The following RCAN2 variants were observed in gnomAD, a reference collection of about 807,000 sequenced individuals.
The protein encoded by RCAN2 is regulator of calcineurin 2.
Under a neutral mutation model 23.6 loss-of-function variants are expected in RCAN2, and 9 were observed. The ratio of observed to expected loss-of-function variants is 0.38; its 90% CI spans 0.23 to 0.67. The LOEUF (loss-of-function observed/expected upper bound fraction) is 0.67. Ranked by LOEUF, RCAN2 falls within the 30% of genes least tolerant of loss-of-function variation. The pLI, the probability that RCAN2 is intolerant of heterozygous loss-of-function variation, is 0.51. For synonymous variants in RCAN2, 109 were observed against 115.7 expected (o/e 0.94, Z 0.37); for missense variants, 273 against 302.3 (o/e 0.90, Z 0.72).
intron 1 of RCAN2, among the ~76,000 whole-genome samples, chr6:46,469,568 C>T (rs1768496277): frequency 6.6e-6 from 1 of 152,124 alleles, no homozygotes; most frequent in African/African-American, 2.4e-5. Flanking sequence ...AGCTGATAAT[C>T]CACCTTTTGA....
At chr6:46,370,990 T>C (rs1035850355) in intron 2 of RCAN2, among the ~76,000 whole-genome samples, 3 of 152,208 alleles carry the variant, frequency 2.0e-5, no homozygotes, top group African/African-American at 2.4e-5. Context: ...ACCTGAGATA[T>C]GTGGATCTAT....
intron 1 of RCAN2, among the ~76,000 whole-genome samples, chr6:46,473,822 T>C (rs939982809): frequency 2.6e-5 from 4 of 152,224 alleles, no homozygotes; most frequent in Non-Finnish European, 5.9e-5. Flanking sequence ...GCACTCTTCA[T>C]ATAAACTCTC....
intron 2 of RCAN2, among the ~76,000 whole-genome samples, chr6:46,370,687 C>T (rs545174645): frequency 6.6e-6 from 1 of 152,354 alleles, no homozygotes; most frequent in South Asian, 2.1e-4. Flanking sequence ...CTCTGGTTTG[C>T]TGTCTTAACC....
chr6:46,302,853 T>C (rs1287503090), intron 2 of RCAN2, among the ~76,000 whole-genome samples: 1 of 152,068 alleles, frequency 6.6e-6, no homozygotes, highest in East Asian at 1.9e-4. Flanking sequence ...GTGACCTCCT[T>C]ATTTTATGGA....
chr6:46,383,573 T>C (rs1582157993), intron 2 of RCAN2, among the ~76,000 whole-genome samples: 1 of 152,204 alleles, frequency 6.6e-6, no homozygotes, highest in Non-Finnish European at 1.5e-5. Context: ...AAAATATATA[T>C]GAATTAAAGG....
At chr6:46,422,106 T>C (rs1014555189) in intron 2 of RCAN2, among the ~76,000 whole-genome samples, 2 of 152,036 alleles carry the variant, frequency 1.3e-5, no homozygotes, top group Non-Finnish European at 2.9e-5. Context: ...ATGGGAGGTG[T>C]TGGGGTCATG....
At chr6:46,464,784 C>T (rs1406371985) in intron 1 of RCAN2, among the ~76,000 whole-genome samples, 2 of 152,140 alleles carry the variant, frequency 1.3e-5, no homozygotes, top group Non-Finnish European at 2.9e-5. Context: ...AAATCATCCA[C>T]ATTCCTCATT....
chr6:46,319,530 C>A (rs1582100196), intron 2 of RCAN2, among the ~76,000 whole-genome samples: 2 of 152,290 alleles, frequency 1.3e-5, no homozygotes, highest in Admixed American at 1.3e-4. Flanking sequence ...CCCCACTTAA[C>A]AATGTTATTA....
At chr6:46,321,250 C>T (rs938677414) in intron 2 of RCAN2, among the ~76,000 whole-genome samples, 5 of 152,172 alleles carry the variant, frequency 3.3e-5, no homozygotes, top group Non-Finnish European at 7.3e-5. Flanking sequence ...TGTTCATAGC[C>T]CTCATCACTA....
intron 1 of RCAN2, among the ~76,000 whole-genome samples, chr6:46,481,807 T>G (rs912483505): frequency 2.0e-5 from 3 of 152,136 alleles, no homozygotes; most frequent in Non-Finnish European, 4.4e-5. Flanking sequence ...AGCATTTACA[T>G]TGCCATGATT....
At chr6:46,394,074 T>C (rs1766014764) in intron 2 of RCAN2, among the ~76,000 whole-genome samples, 1 of 152,188 alleles carries the variant, frequency 6.6e-6, no homozygotes, top group African/African-American at 2.4e-5. Flanking sequence ...TGAGCTGCCA[T>C]CAGCCCTCCA....
chr6:46,372,627 C>T (rs753819131), intron 2 of RCAN2, among the ~76,000 whole-genome samples: 4 of 152,168 alleles, frequency 2.6e-5, no homozygotes, highest in Non-Finnish European at 5.9e-5. Context: ...TTGCTAAGTG[C>T]TCAGAATTAT....
chr6:46,293,922 G>C (rs1044146481), intron 2 of RCAN2, among the ~76,000 whole-genome samples: 22 of 152,152 alleles, frequency 1.4e-4, no homozygotes, highest in Non-Finnish European at 1.2e-4. Context: ...AAAAGCATGA[G>C]GCATAAAGAA....
chr6:46,457,012 G>C (rs574371021), intron 1 of RCAN2, 34 bp from the exon 2 acceptor site: 3 of 1,456,092 alleles, frequency 2.1e-6, no homozygotes, highest in Admixed American at 4.0e-5. Context: ...TGTTACTGCA[G>C]AACAAATTCC....
intron 2 of RCAN2, among the ~76,000 whole-genome samples, chr6:46,406,928 G>T (rs1432907259): frequency 6.6e-6 from 1 of 152,114 alleles, no homozygotes; most frequent in African/African-American, 2.4e-5. Context: ...TATGTGCTGG[G>T]CGATTCAGTA....
chr6:46,484,225 T>C (rs1393473047), intron 1 of RCAN2, among the ~76,000 whole-genome samples: 3 of 152,340 alleles, frequency 2.0e-5, no homozygotes, highest in East Asian at 1.9e-4. Flanking sequence ...ATAATTGATA[T>C]GGTAGCCTAA....
chr6:46,347,754 A>AAAAC (rs148499814), intron 2 of RCAN2, among the ~76,000 whole-genome samples: 506 of 151,800 alleles, frequency 3.3e-3, no homozygotes, highest in African/African-American at 0.011. Flanking sequence ...AACAAAAACA[A>AAAAC]AAACAAACAA....
At chr6:46,371,283 TA>T (rs200210373) in intron 2 of RCAN2, among the ~76,000 whole-genome samples, 1,535 of 152,314 alleles carry the variant, frequency 0.01, 22 homozygotes, top group African/African-American at 0.035. Flanking sequence ...AAAAATGGTA[TA>T]TTTTTTTAAT....
At chr6:46,439,875 T>G (rs1462042345) in intron 2 of RCAN2, among the ~76,000 whole-genome samples, 1 of 152,164 alleles carries the variant, frequency 6.6e-6, no homozygotes, top group African/African-American at 2.4e-5. Flanking sequence ...TCCCTGAAAA[T>G]TTCTAAAGAG....
Sources: allele counts gnomAD v4.1 joint callset (sites outside exome capture counted in the v4.1 genomes callset), GRCh38; gene constraint gnomAD v4.1.1; transcripts MANE v1.5; gene names NCBI Gene and HGNC (gene_info 2026-07-23, HGNC 2026-07-21).